Variants in SLC2A9 observed in about 807,000 individuals in gnomAD.
The protein encoded by SLC2A9 is solute carrier family 2, facilitated glucose transporter member 9.
A neutral mutation model predicts 50.6 loss-of-function variants in SLC2A9; 39 were observed. The ratio of observed to expected loss-of-function variants is 0.77; its 90% CI spans 0.60 to 1.01. The LOEUF is 1.01. SLC2A9 is among the 50% of genes least tolerant of loss of function. The pLI, the probability that SLC2A9 is intolerant of heterozygous loss-of-function variation, is 0.00. For synonymous variants in SLC2A9, 324 were observed against 276.9 expected (o/e 1.17, Z -1.69); for missense variants, 686 against 677.6 (o/e 1.01, Z -0.14).
chr4:9,886,285 C>T lies in SLC2A9; in HGVS notation c.1291+1282G>A, dbSNP rs529713412. ...GATGTGAGGTTGTGATGCAGATGCC[C>T]TGGAAGACTAAACACATTTACTCCT... is the stretch of plus-strand genomic sequence containing the variant. On this transcript the variant is annotated intron_variant, in intron 10 of 11. Coordinates refer to ENST00000264784, the MANE Select transcript of SLC2A9 (RefSeq NM_020041.3). Among the ~76,000 whole-genome samples, 16 of 152,248 alleles carry T rather than the reference C, an allele frequency of 1.1e-4. 1 individual carries two copies. The highest frequency in any genetic ancestry group is 1.6e-4 in the Non-Finnish European group (11 of 68,040).
chr4:9,821,869 C>T (rs147514517), downstream of SLC2A9, among the ~76,000 whole-genome samples: 1,889 of 152,180 alleles, frequency 0.012, 24 homozygotes, highest in Non-Finnish European at 0.015. Context: ...CCTGGAATTT[C>T]CTTTGTTGGA....
intron 7 of SLC2A9, among the ~76,000 whole-genome samples, chr4:9,912,048 C>A (rs969561712): frequency 6.6e-6 from 1 of 152,098 alleles, no homozygotes; most frequent in South Asian, 2.1e-4. Flanking sequence ...GGACAAAAAA[C>A]CAAACACCGC....
At chr4:10,039,652 T>C (rs1472140532) in intron 1 of SLC2A9, among the ~76,000 whole-genome samples, 1 of 152,148 alleles carries the variant, frequency 6.6e-6, no homozygotes, top group Non-Finnish European at 1.5e-5. Flanking sequence ...CCATCCCCAC[T>C]GTCATCCTCC....
chr4:9,969,485 GT>G (rs1192346545), intron 5 of SLC2A9, among the ~76,000 whole-genome samples: 1 of 152,132 alleles, frequency 6.6e-6, no homozygotes, highest in Non-Finnish European at 1.5e-5. Flanking sequence ...TTAAATACAA[GT>G]TTCAAAAAAC....
chr4:10,033,171 G>T (rs1033791831), intron 1 of SLC2A9, among the ~76,000 whole-genome samples: 7 of 152,118 alleles, frequency 4.6e-5, no homozygotes, highest in Non-Finnish European at 5.9e-5. Flanking sequence ...TCACTTGCTC[G>T]AGTGTGTTAT....
In SLC2A9 at chr4:9,834,880, C is replaced by T. The variant is rs930099562; in HGVS notation, c.1419+1G>A. The T allele has an allele frequency of 9.3e-6, 15 of 1,614,014 alleles. No individual in the cohort carries two copies. The highest frequency in any genetic ancestry group is 1.3e-5 in the Non-Finnish European group (15 of 1,180,026). ...GGCAAAAGACTCCTTGTCAGTCATA[C>T]CTGAATGAATGGGAAGAGGAGCCCA... is the stretch of plus-strand genomic sequence containing the variant. On this transcript the variant is annotated splice_donor_variant, in intron 11 of 11. Coordinates refer to ENST00000264784, the MANE Select transcript of SLC2A9 (RefSeq NM_020041.3). LOFTEE classifies it high-confidence loss of function.
intron 3 of SLC2A9, among the ~76,000 whole-genome samples, chr4:9,994,834 G>T (rs1758354690): frequency 6.6e-6 from 1 of 152,020 alleles, no homozygotes; most frequent in South Asian, 2.1e-4. Flanking sequence ...ATAAAGCAAG[G>T]AGACATCACA....
At chr4:9,955,867 A>ATTTTTTTTTTTTTTTT (rs1170286158) in intron 5 of SLC2A9, among the ~76,000 whole-genome samples, 1 of 61,688 alleles carries the variant, frequency 1.6e-5, no homozygotes, top group Non-Finnish European at 2.7e-5. Context: ...AAGCATCTGG[A>ATTTTTTTTTTTTTTTT]TTTTTTTTTT....
chr4:9,920,267 T>A (rs1441122192), intron 7 of SLC2A9, 118 bp downstream of exon 7: 11 of 1,066,118 alleles, frequency 1.0e-5, no homozygotes. Context: ...CAGCATAGAG[T>A]TTGTGGCAAT....
In SLC2A9 at chr4:9,895,150, G is replaced by A. The variant is rs1738290966; in HGVS notation, c.1114-4439C>T. Among the ~76,000 whole-genome samples the A allele has an allele frequency of 2.0e-5, 3 of 152,294 alleles. No individual in the cohort carries two copies. In the South Asian group the frequency reaches 6.2e-4, roughly 32 times the overall value. ...GACGTTCAAATACTTTGGAAAGGGT[G>A]GGGTGAGGGACATGTGGCTTTTTGT... is the stretch of plus-strand genomic sequence containing the variant. On this transcript the variant is annotated intron_variant, in intron 8 of 11. Transcript: ENST00000264784.
At chr4:9,777,080 G>T (rs1372227416), downstream of SLC2A9, among the ~76,000 whole-genome samples, 3 of 152,116 alleles carry the variant, frequency 2.0e-5, no homozygotes. Flanking sequence ...TTTATTTATA[G>T]CATTTAGCAC....
At chr4:9,825,231 C>T (rs1355390916), downstream of SLC2A9, among the ~76,000 whole-genome samples, 1 of 152,202 alleles carries the variant, frequency 6.6e-6, no homozygotes, top group Non-Finnish European at 1.5e-5. Flanking sequence ...CCACACATTA[C>T]GATGGCAGGC....
intron 10 of SLC2A9, among the ~76,000 whole-genome samples, chr4:9,885,816 T>C (rs1033481366): frequency 6.6e-6 from 1 of 152,220 alleles, no homozygotes; most frequent in Admixed American, 6.5e-5. Flanking sequence ...GACACAACCA[T>C]GCAGTCCATT....
chr4:9,805,025 A>T (rs545931207), intron 3 of SLC2A9, among the ~76,000 whole-genome samples: 28 of 151,838 alleles, frequency 1.8e-4, no homozygotes, highest in Non-Finnish European at 4.0e-4. Context: ...CCTGAAAGAG[A>T]CTCTGCCTGA....
intron 3 of SLC2A9, among the ~76,000 whole-genome samples, chr4:9,987,353 C>T (rs1296273931): frequency 2.0e-5 from 3 of 152,176 alleles, no homozygotes; most frequent in African/African-American, 7.2e-5. Context: ...CTTCTGACCT[C>T]AGGTGATCTG....
At chr4:9,922,574 C>A (rs114597845) in intron 6 of SLC2A9, among the ~76,000 whole-genome samples, 2,770 of 152,168 alleles carry the variant, frequency 0.018, 32 homozygotes, top group Middle Eastern at 0.054. Flanking sequence ...TCAGAGTGAC[C>A]CCCAGCCTAT....
intron 10 of SLC2A9, among the ~76,000 whole-genome samples, chr4:9,865,275 C>T (rs574645638): frequency 7.2e-5 from 11 of 152,346 alleles, no homozygotes; most frequent in African/African-American, 1.7e-4. Context: ...TCAGACCATG[C>T]GCGGGAGAGC....
chr4:10,022,777 G>A (rs1018161275), upstream of SLC2A9, among the ~76,000 whole-genome samples: 8 of 152,242 alleles, frequency 5.3e-5, no homozygotes, highest in African/African-American at 1.9e-4. Context: ...TGAAACGCAC[G>A]TGGAAACGTC....
intron 7 of SLC2A9, among the ~76,000 whole-genome samples, chr4:9,912,023 A>T (rs1741913814): frequency 6.6e-6 from 1 of 152,212 alleles, no homozygotes; most frequent in Non-Finnish European, 1.5e-5. Context: ...CATCATTCTC[A>T]GCAAACTATC....
Sources: allele counts gnomAD v4.1 joint callset (sites outside exome capture counted in the v4.1 genomes callset), GRCh38; gene constraint gnomAD v4.1.1; transcripts MANE v1.5; gene names NCBI Gene and HGNC (gene_info 2026-07-23, HGNC 2026-07-21).